The following ANKRD17 variants were observed in gnomAD, a reference collection of about 807,000 sequenced individuals.
ANKRD17 encodes the protein ankyrin repeat domain 17, also known as ankyrin repeat domain-containing protein 17.
A neutral mutation model predicts 229.7 loss-of-function variants in ANKRD17; 19 were observed. The observed-to-expected ratio is 0.08, with a 90% CI of 0.06 to 0.12. The LOEUF (loss-of-function observed/expected upper bound fraction) is 0.12, where lower values mean the gene tolerates loss of function less well. ANKRD17 is among the 10% of genes least tolerant of loss of function. The probability of loss-of-function intolerance (pLI) is 1.00; values close to 1 mark genes in which losing one functional copy is unlikely to be tolerated. For synonymous variants in ANKRD17, 1,112 were observed against 1,146.1 expected, an observed-to-expected ratio of 0.97 and a Z score of 0.60; for missense variants, 2,176 against 3,176.8, an observed-to-expected ratio of 0.68 and a Z score of 7.57.
In ANKRD17 at chr4:73,078,658, C is replaced by A. The variant is rs754530057; in HGVS notation, c.7392G>T (p.Gly2464=). 1.2e-6 allele frequency: 2 copies of A among 1,614,000 alleles called. No homozygotes were observed. The highest frequency in any genetic ancestry group is 2.7e-5 in the African/African-American group (2 of 74,930). ...ATATCCTACCTTGATTGCCACCAAT[C>A]CCTTCAAAGGACCAGATGCCACTAT... ...VGHSGIWSFE[G]IGGNQDKVDW... Residue 2464 remains glycine, a synonymous_variant, in exon 31 of 34, where the codon GGG becomes GGT. Transcript: ENST00000358602.
intron 29 of ANKRD17, among the ~76,000 whole-genome samples, chr4:73,089,985 T>G (rs1365721685): frequency 6.6e-5 from 10 of 152,188 alleles, no homozygotes; most frequent in South Asian, 2.1e-4. Context: ...TTTAAAATTA[T>G]TTTAGAAATA....
In ANKRD17 at chr4:73,203,952, G is replaced by A. The variant is rs184129482; in HGVS notation, c.394-26419C>T. On this transcript the variant is annotated intron_variant, in intron 1 of 33. Coordinates refer to ENST00000358602, the MANE Select transcript of ANKRD17 (RefSeq NM_032217.5). ...GAAAAAACTCTTAAAAACAGCCATG[G>A]GGGGGAAAAAACCATCATGTGCACA... 2.6e-5 allele frequency among the ~76,000 whole-genome samples: 4 copies of A among 151,958 alleles called. 1 individual carries two copies. The highest frequency in any genetic ancestry group is 9.6e-5 in the African/African-American group (4 of 41,480).
chr4:73,092,541 T>C (rs1213090868), intron 28 of ANKRD17, among the ~76,000 whole-genome samples: 1 of 152,198 alleles, frequency 6.6e-6, no homozygotes, highest in African/African-American at 2.4e-5. Context: ...AGAAGAATAG[T>C]AAATGACTTA....
chr4:73,164,124 GAAGGC>G (rs1732910615), intron 2 of ANKRD17, among the ~76,000 whole-genome samples: 1 of 152,104 alleles, frequency 6.6e-6, no homozygotes, highest in African/African-American at 2.4e-5. Flanking sequence ...TTAAATATAT[GAAGGC>G]ACTATTGAGA....
At chr4:73,127,654 G>A (rs1185800249) in intron 16 of ANKRD17, among the ~76,000 whole-genome samples, 1 of 152,022 alleles carries the variant, frequency 6.6e-6, no homozygotes, top group Non-Finnish European at 1.5e-5. Flanking sequence ...AATTACTTAG[G>A]AAATAATAAA....
At chr4:73,081,619 A>G (rs951568697) in intron 30 of ANKRD17, among the ~76,000 whole-genome samples, 1 of 152,220 alleles carries the variant, frequency 6.6e-6, no homozygotes, top group South Asian at 2.1e-4. Flanking sequence ...GTTTCAGAGG[A>G]TGGGGCAGAT....
Position 73,098,176 on chromosome 4 carries a change from G to T in ANKRD17, c.4918C>A (p.Pro1640Thr). 1 of 1,614,174 alleles carries T rather than the reference G, an allele frequency of 6.2e-7. No homozygotes were observed. The highest frequency in any genetic ancestry group is 8.5e-7 in the Non-Finnish European group (1 of 1,180,008). Reference sequence around the variant, plus strand: ...CTCACAGTGGTAGTGACCACAGCTGGTGAATGATTGTCACTCTTACGACTG... The same window carrying T: ...CTCACAGTGGTAGTGACCACAGCTGTTGAATGATTGTCACTCTTACGACTG... Reference protein sequence around the residue: ...NSSRKSDNHSPAVVTTTVSSK... With the variant: ...NSSRKSDNHSTAVVTTTVSSK... Residue 1640 changes from proline to threonine, a missense_variant, in exon 26 of 34, where the codon CCA (proline) becomes ACA (threonine). By Grantham distance (38) the Pro-to-Thr change is conservative (BLOSUM62 -1). Coordinates refer to ENST00000358602, the MANE Select transcript of ANKRD17 (RefSeq NM_032217.5).
At chr4:73,154,333 CA>C (rs1731363567) in intron 5 of ANKRD17, among the ~76,000 whole-genome samples, 1 of 151,858 alleles carries the variant, frequency 6.6e-6, no homozygotes, top group Non-Finnish European at 1.5e-5. Context: ...CATTTAAAAC[CA>C]AAGTCAAATA....
chr4:73,082,511 G>C (rs577952524), intron 30 of ANKRD17, among the ~76,000 whole-genome samples: 2 of 151,968 alleles, frequency 1.3e-5, no homozygotes, highest in Admixed American at 6.6e-5. Context: ...GGAGAGGAGA[G>C]AGGAGAGAAC....
At position 73,258,296 on chromosome 4, in the gene ANKRD17, C is replaced by T; in HGVS notation, c.373G>A (p.Glu125Lys). 6.2e-7 allele frequency: 1 copy of T among 1,613,474 alleles called. No individual in the cohort carries two copies. Among genetic ancestry groups the T allele is most frequent in the Non-Finnish European group, 8.5e-7 (1 of 1,179,870 alleles). Residue 125 changes from glutamate to lysine, a missense_variant, in exon 1 of 34, where the codon GAG (glutamate) becomes AAG (lysine). Transcript: ENST00000358602. ...CTTGCCTCAGAAACCTCCTCTTCCT[C>T]GTCGTCGTCGTCCTCTTCTTCCTCG... ...NSEEEEDDDD[E>K]EEEVSEVESF...
chr4:73,195,559 C>T (rs776011029), intron 1 of ANKRD17, among the ~76,000 whole-genome samples: 1 of 151,680 alleles, frequency 6.6e-6, no homozygotes, highest in Non-Finnish European at 1.5e-5. Context: ...ACCAGGCTGG[C>T]GTGCAGTGGT....
At chr4:73,188,206 T>C (rs1736551089) in intron 1 of ANKRD17, among the ~76,000 whole-genome samples, 1 of 152,062 alleles carries the variant, frequency 6.6e-6, no homozygotes, top group Non-Finnish European at 1.5e-5. Flanking sequence ...AAAAAAAGCC[T>C]ACTATTAACT....
chr4:73,141,346 C>T (rs1025737171), intron 14 of ANKRD17, among the ~76,000 whole-genome samples: 3 of 152,124 alleles, frequency 2.0e-5, no homozygotes, highest in Non-Finnish European at 4.4e-5. Flanking sequence ...TATATTAAGC[C>T]AGTCATTCTA....
At chr4:73,157,235 A>C (rs1456499914) in intron 3 of ANKRD17, among the ~76,000 whole-genome samples, 1 of 152,192 alleles carries the variant, frequency 6.6e-6, no homozygotes, top group African/African-American at 2.4e-5. Context: ...CCATCAAGTA[A>C]AGGGAAATCA....
chr4:73,111,571 G>A (rs1178043663), intron 24 of ANKRD17, among the ~76,000 whole-genome samples: 4 of 151,912 alleles, frequency 2.6e-5, no homozygotes, highest in Non-Finnish European at 5.9e-5. Context: ...CCCACATGAA[G>A]GAACTTATTT....
chr4:73,086,952 ATC>A (rs1553911046), intron 29 of ANKRD17, among the ~76,000 whole-genome samples: 6 of 96,768 alleles, frequency 6.2e-5, no homozygotes, highest in Admixed American at 4.7e-4. Flanking sequence ...ATATATATAT[ATC>A]TGTAGGATTT....
At chr4:73,239,592 G>A (rs909773144) in intron 1 of ANKRD17, among the ~76,000 whole-genome samples, 4 of 152,242 alleles carry the variant, frequency 2.6e-5, no homozygotes, top group Non-Finnish European at 5.9e-5. Flanking sequence ...ATCTGTATAT[G>A]TGTGAAAATG....
chr4:73,131,375 C>T (rs1362994568), intron 16 of ANKRD17, among the ~76,000 whole-genome samples: 1 of 152,164 alleles, frequency 6.6e-6, no homozygotes, highest in African/African-American at 2.4e-5. Context: ...TCAACTAAAG[C>T]AGTTAAAGGT....
intron 16 of ANKRD17, among the ~76,000 whole-genome samples, chr4:73,126,803 C>T (rs1161891770): frequency 6.6e-6 from 1 of 152,128 alleles, no homozygotes; most frequent in Non-Finnish European, 1.5e-5. Flanking sequence ...GCGATCTTGG[C>T]TGTCTGCAAT....
Sources: allele counts gnomAD v4.1 joint callset (sites outside exome capture counted in the v4.1 genomes callset), GRCh38; gene constraint gnomAD v4.1.1; transcripts MANE v1.5; gene names NCBI Gene and HGNC (gene_info 2026-07-23, HGNC 2026-07-21).